Variants in ARHGAP25 observed in about 807,000 individuals in gnomAD.
The protein encoded by ARHGAP25 is rho GTPase-activating protein 25.
ARHGAP25 carries 34 observed loss-of-function variants against 71.0 expected under a neutral mutation model. That is an observed-to-expected ratio of 0.48 (90% CI 0.36 to 0.64). The LOEUF is 0.64. Among genes scored for constraint, ARHGAP25 ranks in the 30% least tolerant of loss-of-function variants. ARHGAP25 has a pLI of 0.00. For missense variants in ARHGAP25, 706 were observed against 805.1 expected (o/e 0.88, Z 1.49); for synonymous variants, 282 against 296.5 (o/e 0.95, Z 0.50).
chr2:68,746,556 G>C (rs1386790053), intron 1 of ARHGAP25, among the ~76,000 whole-genome samples: 1 of 152,204 alleles, frequency 6.6e-6, no homozygotes, highest in Non-Finnish European at 1.5e-5. Flanking sequence ...TTTTTCTGCA[G>C]ACGGTTGATT....
chr2:68,790,720 C>T (rs1345622699), intron 4 of ARHGAP25, among the ~76,000 whole-genome samples: 4 of 152,290 alleles, frequency 2.6e-5, no homozygotes, highest in Admixed American at 1.3e-4. Flanking sequence ...AACCTTGAAA[C>T]TCATCTCCAC....
intron 6 of ARHGAP25, among the ~76,000 whole-genome samples, chr2:68,815,222 G>A (rs1232342249): frequency 6.6e-6 from 1 of 152,188 alleles, no homozygotes; most frequent in African/African-American, 2.4e-5. Flanking sequence ...ACATGGCAGA[G>A]GTGGCAGCTA....
At chr2:68,816,402 C>T (rs1230895467) in intron 7 of ARHGAP25, 40 bp downstream of exon 7, 1 of 1,532,166 alleles carries the variant, frequency 6.5e-7, no homozygotes, top group Non-Finnish European at 9.0e-7. Flanking sequence ...TTTTCAACCC[C>T]ATCAGAAAGA....
intron 1 of ARHGAP25, among the ~76,000 whole-genome samples, chr2:68,764,151 C>T (rs923566000): frequency 4.6e-5 from 7 of 152,194 alleles, no homozygotes; most frequent in African/African-American, 1.7e-4. Context: ...GGTTCTTTCA[C>T]TTAGCTGAAT....
intron 4 of ARHGAP25, among the ~76,000 whole-genome samples, chr2:68,788,966 A>G (rs1235175207): frequency 7.2e-5 from 11 of 152,130 alleles, no homozygotes; most frequent in Non-Finnish European, 1.5e-5. Flanking sequence ...TCTTTCATCT[A>G]CTGTTTACAT....
intron 4 of ARHGAP25, among the ~76,000 whole-genome samples, chr2:68,801,099 T>C (rs912313342): frequency 2.4e-5 from 3 of 125,256 alleles, no homozygotes; most frequent in African/African-American, 8.5e-5. Context: ...AAAACCTGAC[T>C]TAGCCAAGCT....
At chr2:68,718,909 T>C (rs1674685691) in intron 2 of ARHGAP25, among the ~76,000 whole-genome samples, 1 of 152,138 alleles carries the variant, frequency 6.6e-6, no homozygotes, top group African/African-American at 2.4e-5. Flanking sequence ...TTCCCAACCT[T>C]CATTCTCTGG....
Position 68,743,565 on chromosome 2 carries a change from T to G in ARHGAP25, c.61+8305T>G, listed in dbSNP as rs78821332. Among the ~76,000 whole-genome samples, 1,333 of 152,310 alleles carry G rather than the reference T, an allele frequency of 8.8e-3. 23 individuals are homozygous for G. Among genetic ancestry groups the G allele is most frequent in the African/African-American group, 0.03 (1,254 of 41,570 alleles). ...TCTGCATTTGATTCCATGCACCTGG[T>G]CATTCAGAAGCCAGAAATCCACTTT... is the stretch of plus-strand genomic sequence containing the variant. On this transcript the variant is annotated intron_variant, in intron 1 of 10. Transcript: ENST00000409202.
intron 2 of ARHGAP25, among the ~76,000 whole-genome samples, chr2:68,729,373 G>C (rs1006335186): frequency 4.6e-5 from 7 of 152,162 alleles, no homozygotes; most frequent in Admixed American, 1.3e-4. Flanking sequence ...GGAAGTGACA[G>C]AGTGGAGAGC....
At chr2:68,732,920 G>T (rs979674524), upstream of ARHGAP25, among the ~76,000 whole-genome samples, 2 of 152,188 alleles carry the variant, frequency 1.3e-5, no homozygotes, top group South Asian at 4.1e-4. Context: ...GTTTGAGATG[G>T]CTACTATAGA....
chr2:68,732,100 G>T (rs1480558218), upstream of ARHGAP25, among the ~76,000 whole-genome samples: 3 of 152,206 alleles, frequency 2.0e-5, no homozygotes, highest in African/African-American at 7.2e-5. Flanking sequence ...ACCAGGCAAG[G>T]CATTTGGCTC....
At chr2:68,769,760 A>C (rs909244170) in intron 1 of ARHGAP25, among the ~76,000 whole-genome samples, 1 of 151,968 alleles carries the variant, frequency 6.6e-6, no homozygotes, top group African/African-American at 2.4e-5. Flanking sequence ...CTTGAAGGAT[A>C]AGTAAGAGTT....
intron 4 of ARHGAP25, among the ~76,000 whole-genome samples, chr2:68,788,549 T>G (rs1678925055): frequency 6.6e-6 from 1 of 152,212 alleles, no homozygotes; most frequent in Non-Finnish European, 1.5e-5. Flanking sequence ...AACTCAAGAA[T>G]TTGAGCTCTC....
chr2:68,736,659 T>C (rs1337181814), intron 1 of ARHGAP25, among the ~76,000 whole-genome samples: 1 of 152,206 alleles, frequency 6.6e-6, no homozygotes, highest in Non-Finnish European at 1.5e-5. Flanking sequence ...CAAGACTGCA[T>C]ATACTCAGGT....
intron 1 of ARHGAP25, among the ~76,000 whole-genome samples, chr2:68,737,922 T>C (rs952841098): frequency 8.5e-5 from 13 of 152,146 alleles, no homozygotes; most frequent in African/African-American, 2.9e-4. Context: ...CTCTCCACTG[T>C]ACTTCCATCT....
At chr2:68,821,092 C>CTGTTTTTTTTTTTTTTTTTTTT (rs1681620685) in intron 9 of ARHGAP25, among the ~76,000 whole-genome samples, 1 of 99,452 alleles carries the variant, frequency 1.0e-5, no homozygotes, top group Non-Finnish European at 1.9e-5. Context: ...CTTTTTCTTT[C>CTGTTTTTTTTTTTTTTTTTTTT]TTTTTTTTTT....
intron 4 of ARHGAP25, among the ~76,000 whole-genome samples, chr2:68,804,136 A>T (rs924209740): frequency 1.3e-5 from 2 of 152,164 alleles, no homozygotes; most frequent in Non-Finnish European, 2.9e-5. Flanking sequence ...GGATGAGGAG[A>T]AAAGCTAGAG....
Position 68,790,242 on chromosome 2 carries a change from G to C in ARHGAP25, c.466+2286G>C, listed in dbSNP as rs186171529. 2.2e-4 allele frequency among the ~76,000 whole-genome samples: 34 copies of C among 152,124 alleles called. No homozygotes were observed. The South Asian group carries it at 2.3e-3, about 10-fold the overall frequency. ...CTGACCTTAGGTGATCCACCACCTC[G>C]GCTTCCCAAAGTGCTGGGATTACAG... On this transcript the variant is annotated intron_variant, in intron 4 of 10. Coordinates refer to ENST00000409202, the MANE Select transcript of ARHGAP25 (RefSeq NM_001007231.3).
intron 1 of ARHGAP25, among the ~76,000 whole-genome samples, chr2:68,770,361 A>G (rs1677406627): frequency 6.6e-6 from 1 of 152,214 alleles, no homozygotes; most frequent in South Asian, 2.1e-4. Flanking sequence ...AAACTAATGC[A>G]CAGCTCATAT....
Sources: gnomAD v4.1 joint callset for allele counts (sites outside exome capture counted in the v4.1 genomes callset) on GRCh38, gnomAD v4.1.1 for gene constraint, MANE v1.5 for transcripts, NCBI Gene and HGNC (gene_info 2026-07-23, HGNC 2026-07-21) for gene names.